The following RIMS2 variants were observed in gnomAD, a reference collection of about 807,000 sequenced individuals.
RIMS2 encodes regulating synaptic membrane exocytosis 2, also known as regulating synaptic membrane exocytosis protein 2.
In RIMS2, 59 loss-of-function variants were observed where a neutral mutation model predicts 174.4. The ratio of observed to expected loss-of-function variants is 0.34; its 90% CI spans 0.27 to 0.42. RIMS2 has a LOEUF of 0.42. Ranked by LOEUF, RIMS2 falls within the 10% of genes least tolerant of loss-of-function variation. The pLI, the probability that RIMS2 is intolerant of heterozygous loss-of-function variation, is 1.00. For synonymous variants in RIMS2, 606 were observed against 572.5 expected (o/e 1.06, Z -0.84); for missense variants, 1,620 against 1,666.3 (o/e 0.97, Z 0.48).
At chr8:104,091,798 T>C (rs964993339) in intron 19 of RIMS2, among the ~76,000 whole-genome samples, 2 of 151,722 alleles carry the variant, frequency 1.3e-5, no homozygotes, top group African/African-American at 4.8e-5. Flanking sequence ...AATATTATGA[T>C]CTAAATTGTC....
chr8:103,526,366 A>C (rs1833979722), intron 1 of RIMS2, among the ~76,000 whole-genome samples: 1 of 152,208 alleles, frequency 6.6e-6, no homozygotes, highest in East Asian at 1.9e-4. Context: ...ATACCATCCT[A>C]GGCCTCAAAT....
At position 104,058,650 on chromosome 8, in the gene RIMS2, G is replaced by A. The variant is rs201004282; in HGVS notation, c.3334+44035G>A. ...AGACATGAAGTCCTTGCCCATGCCT[G>A]TGTCCTGAATGGTAATGCGTAGGTT... On this transcript the variant is annotated intron_variant, in intron 19 of 23. Transcript: ENST00000504942. Among the ~76,000 whole-genome samples the A allele has an allele frequency of 1.4e-4, 21 of 151,896 alleles. No homozygotes were observed. In the East Asian group the frequency reaches 3.7e-3, roughly 27 times the overall value.
chr8:103,771,858 G>A (rs139444938), intron 3 of RIMS2, among the ~76,000 whole-genome samples: 1 of 152,044 alleles, frequency 6.6e-6, no homozygotes, highest in Non-Finnish European at 1.5e-5. Flanking sequence ...TCATTCAACA[G>A]ATATTTATTG....
Position 104,000,182 on chromosome 8 carries a change from C to T in RIMS2, c.3044+10761C>T, listed in dbSNP as rs192886505. 4.0e-5 allele frequency among the ~76,000 whole-genome samples: 6 copies of T among 151,490 alleles called. No individual in the cohort carries two copies. In the East Asian group the frequency reaches 1.2e-3, roughly 29 times the overall value. On this transcript the variant is annotated intron_variant, in intron 17 of 23. Transcript: ENST00000504942. Reference sequence around the variant, plus strand: ...TTAAAAAATATTTTGTACCCATTAACCAACCCCTCTTCATCTCCTTCTCTC... The same window carrying T: ...TTAAAAAATATTTTGTACCCATTAATCAACCCCTCTTCATCTCCTTCTCTC...
intron 19 of RIMS2, among the ~76,000 whole-genome samples, chr8:104,193,567 C>T (rs552493478): frequency 5.3e-5 from 8 of 152,298 alleles, no homozygotes; most frequent in East Asian, 1.9e-4. Flanking sequence ...ACCTTCCTAC[C>T]GGCAGTGCAT....
intron 3 of RIMS2, among the ~76,000 whole-genome samples, chr8:103,807,738 CAGAT>C (rs1564709222): frequency 6.6e-6 from 1 of 151,964 alleles, no homozygotes; most frequent in Non-Finnish European, 1.5e-5. Flanking sequence ...AAGGGTAAGA[CAGAT>C]GGAAAATTGA....
At chr8:103,788,528 C>T (rs2098465398) in intron 3 of RIMS2, among the ~76,000 whole-genome samples, 1 of 150,974 alleles carries the variant, frequency 6.6e-6, no homozygotes, top group Non-Finnish European at 1.5e-5. Context: ...GAATACCCTG[C>T]TGTGTGAGGT....
At chr8:103,651,238 G>A (rs1342863382) in intron 1 of RIMS2, among the ~76,000 whole-genome samples, 1 of 152,156 alleles carries the variant, frequency 6.6e-6, no homozygotes, top group Non-Finnish European at 1.5e-5. Context: ...GTGGGCTATC[G>A]CCCTACCCTG....
chr8:103,957,421 T>C (rs937307814), intron 14 of RIMS2, among the ~76,000 whole-genome samples: 3 of 152,304 alleles, frequency 2.0e-5, no homozygotes, highest in Admixed American at 1.3e-4. Context: ...TGGAATACTA[T>C]GCAGCCATAA....
At chr8:104,041,987 T>A (rs543570586) in intron 19 of RIMS2, among the ~76,000 whole-genome samples, 19 of 151,610 alleles carry the variant, frequency 1.3e-4, no homozygotes, top group Non-Finnish European at 2.2e-4. Context: ...CTTGAACACA[T>A]GTGGTACTGT....
intron 3 of RIMS2, among the ~76,000 whole-genome samples, chr8:103,873,599 TTATC>T: frequency 6.6e-6 from 1 of 152,246 alleles, no homozygotes; most frequent in East Asian, 1.9e-4. Context: ...TGGTTTGTTG[TTATC>T]TCTTTCTAGC....
chr8:103,500,891 C>T, exon 1 of RIMS2: 1 of 1,592,782 alleles, frequency 6.3e-7, no homozygotes, highest in Non-Finnish European at 8.5e-7. Context: ...CCAAACATGT[C>T]GGCTCCTGTC....
At chr8:103,509,314 C>T (rs10505043) in intron 1 of RIMS2, among the ~76,000 whole-genome samples, 27,646 of 151,960 alleles carry the variant, frequency 0.18, 2,757 homozygotes, top group African/African-American at 0.26. Context: ...CATCCTTTTA[C>T]TGAATATTCC....
intron 3 of RIMS2, among the ~76,000 whole-genome samples, chr8:103,791,330 A>C (rs1424077720): frequency 6.6e-6 from 1 of 152,204 alleles, no homozygotes. Context: ...TAAGCTTTTT[A>C]AGTGAATCAG....
At chr8:103,640,092 A>G (rs2096193305) in intron 1 of RIMS2, among the ~76,000 whole-genome samples, 1 of 151,936 alleles carries the variant, frequency 6.6e-6, no homozygotes. Context: ...TTTTTAAAAT[A>G]GACATAGACC....
exon 21 of RIMS2, chr8:104,248,714 G>A (rs376745301): frequency 4.4e-6 from 7 of 1,600,764 alleles, no homozygotes; most frequent in African/African-American, 2.7e-5. Flanking sequence ...GATTTTCCCT[G>A]GTGTTCGCTT....
chr8:104,075,604 A>G (rs1396259776), intron 19 of RIMS2, among the ~76,000 whole-genome samples: 2 of 152,186 alleles, frequency 1.3e-5, no homozygotes, highest in East Asian at 1.9e-4. Context: ...CATCACTTCT[A>G]TAAACGCTTA....
At chr8:103,732,337 G>A (rs542960399) in intron 2 of RIMS2, among the ~76,000 whole-genome samples, 12 of 152,230 alleles carry the variant, frequency 7.9e-5, no homozygotes, top group East Asian at 5.8e-4. Flanking sequence ...GGTTGTGGGA[G>A]GGGTGACACA....
chr8:103,537,731 TTAAG>T (rs1323849574), intron 1 of RIMS2, among the ~76,000 whole-genome samples: 1 of 152,200 alleles, frequency 6.6e-6, no homozygotes, highest in African/African-American at 2.4e-5. Flanking sequence ...TGTAGTAATA[TTAAG>T]TAGTCAGGTA....
Sources: allele counts gnomAD v4.1 joint callset (sites outside exome capture counted in the v4.1 genomes callset), GRCh38; gene constraint gnomAD v4.1.1; transcripts MANE v1.5; gene names NCBI Gene and HGNC (gene_info 2026-07-23, HGNC 2026-07-21).